Variants in PTGER4 observed in about 807,000 individuals in gnomAD.
The protein encoded by PTGER4 is prostaglandin E receptor 4, also known as prostaglandin E2 receptor EP4 subtype.
PTGER4 carries 11 observed loss-of-function variants against 33.2 expected under a neutral mutation model. The ratio of observed to expected loss-of-function variants is 0.33; its 90% confidence interval spans 0.21 to 0.55. The LOEUF is 0.55. PTGER4 is among the 20% of genes least tolerant of loss of function. PTGER4 has a pLI of 0.92. For synonymous variants in PTGER4, 275 were observed against 281.5 expected, an observed-to-expected ratio of 0.98 and a Z score of 0.23; for missense variants, 481 against 650.2, an observed-to-expected ratio of 0.74 and a Z score of 2.83.
chr5:40,717,742 T>C, the PTGER4 span, among the ~76,000 whole-genome samples: 1 of 152,204 alleles, frequency 6.6e-6, no homozygotes. Context: ...GGATAGAAGA[T>C]TCTCATGCAA....
rs1741179100 is a variant in PTGER4 at position 40,681,255 on chromosome 5, G to A, written c.262G>A (p.Gly88Ser). ...GTACATGAAGGGCCAATGGCCCGGG[G>A]GCCAGCCGCTGTGCGAGTACAGCAC... ...ATYMKGQWPG[G>S]QPLCEYSTFI... is the part of the protein sequence containing the mutation. The change falls in exon 2 of 3, where the codon GGC becomes AGC. Residue 88 changes from glycine to serine, a missense_variant. Gly to Ser is a moderately conservative substitution (Grantham distance 56). Around this residue, in one of 7 missense-constraint regions of PTGER4, gnomAD observed 61 missense variants for 145.2 expected, o/e 0.42. Coordinates refer to ENST00000302472, the MANE Select transcript of PTGER4 (RefSeq NM_000958.3). The surrounding 1 kb of genome is among the most constrained non-coding windows in gnomAD (Gnocchi z 9.8). 1.2e-6 allele frequency: 2 copies of A among 1,614,030 alleles called. No individual in the cohort carries two copies.
chr5:40,746,768 C>A, the PTGER4 span: 1 of 1,535,996 alleles, frequency 6.5e-7, no homozygotes. Flanking sequence ...GTAAGCTCTT[C>A]TCCATAAAAA....
At chr5:40,696,807 T>C (rs1229952807), downstream of PTGER4, 8 of 763,300 alleles carry the variant, frequency 1.0e-5, no homozygotes, top group East Asian at 7.7e-4. Flanking sequence ...CAGGATTTAA[T>C]ACAAAGGAGG....
At chr5:40,724,056 CA>C in the PTGER4 span, among the ~76,000 whole-genome samples, 1 of 152,110 alleles carries the variant, frequency 6.6e-6, no homozygotes, top group Non-Finnish European at 1.5e-5. Flanking sequence ...ATCAAGATCT[CA>C]AAGAGATATT....
At chr5:40,745,748 T>C in the PTGER4 span, among the ~76,000 whole-genome samples, 173 of 151,484 alleles carry the variant, frequency 1.1e-3, no homozygotes, top group African/African-American at 4.0e-3. Context: ...TATTTGTTTA[T>C]TTATTTGACA....
At chr5:40,732,029 T>C in the PTGER4 span, among the ~76,000 whole-genome samples, 3 of 152,370 alleles carry the variant, frequency 2.0e-5, no homozygotes, top group Middle Eastern at 3.4e-3. Context: ...TTTGCTTTTT[T>C]AAAAATTATT....
At chr5:40,729,729 C>T in the PTGER4 span, among the ~76,000 whole-genome samples, 2 of 152,064 alleles carry the variant, frequency 1.3e-5, no homozygotes, top group African/African-American at 2.4e-5. Flanking sequence ...GATGGAGTCT[C>T]GCTGTGTCAC....
At chr5:40,701,038 T>C in the PTGER4 span, among the ~76,000 whole-genome samples, 6 of 145,416 alleles carry the variant, frequency 4.1e-5, no homozygotes, top group East Asian at 1.3e-3. Context: ...CTATTGACTG[T>C]ACTCAATCTA....
the PTGER4 span, chr5:40,716,191 T>C: frequency 1.1e-5 from 17 of 1,614,004 alleles, no homozygotes; most frequent in East Asian, 2.0e-4. Context: ...TGTAGCACCA[T>C]CCTCCTTTTC....
At chr5:40,704,529 G>A in the PTGER4 span, among the ~76,000 whole-genome samples, 6 of 152,166 alleles carry the variant, frequency 3.9e-5, no homozygotes, top group African/African-American at 1.4e-4. Flanking sequence ...CAAATAGGAA[G>A]AGAGGAAATC....
downstream of PTGER4, among the ~76,000 whole-genome samples, chr5:40,695,222 C>A (rs1415801617): frequency 6.6e-6 from 1 of 151,968 alleles, no homozygotes; most frequent in East Asian, 1.9e-4. Flanking sequence ...CCAGGATGGC[C>A]AACATGGTGA....
chr5:40,732,398 A>C, the PTGER4 span, among the ~76,000 whole-genome samples: 2 of 151,836 alleles, frequency 1.3e-5, no homozygotes, highest in Non-Finnish European at 2.9e-5. Flanking sequence ...CAAGTCCTGC[A>C]AAAGACAGGA....
chr5:40,722,758 G>A, the PTGER4 span, among the ~76,000 whole-genome samples: 20 of 150,898 alleles, frequency 1.3e-4, no homozygotes, highest in South Asian at 2.7e-3. Flanking sequence ...CCGGCCAGAC[G>A]CCCCGTCCCG....
chr5:40,716,481 T>C, the PTGER4 span: 1 of 1,588,696 alleles, frequency 6.3e-7, no homozygotes, highest in Non-Finnish European at 8.5e-7. Context: ...GAAGGGCTAC[T>C]TGAAAACTTC....
the PTGER4 span, among the ~76,000 whole-genome samples, chr5:40,706,409 T>C: frequency 6.6e-6 from 1 of 152,176 alleles, no homozygotes; most frequent in East Asian, 1.9e-4. Flanking sequence ...TGTAATAATA[T>C]ATACAACAAA....
intron 2 of PTGER4, among the ~76,000 whole-genome samples, chr5:40,685,990 C>T (rs1233282136): frequency 6.6e-6 from 1 of 152,058 alleles, no homozygotes; most frequent in Non-Finnish European, 1.5e-5. Context: ...ACCTATAAAG[C>T]CTGTAGAGAT....
rs1157255131 is a variant in PTGER4 at position 40,683,678 on chromosome 5, C to T, written c.867+1818C>T. Among the ~76,000 whole-genome samples, 4 of 152,284 alleles carry T rather than the reference C, an allele frequency of 2.6e-5. No individual in the cohort carries two copies. The East Asian group carries it at 5.8e-4, about 22-fold the overall frequency. ...AAAGCTATGGATTTCTGCACAGCCA[C>T]GGATGAATTATTTTCTTCCAACATC... On this transcript the variant is annotated intron_variant, in intron 2 of 2. Transcript: ENST00000302472. This position sits in a 1 kb window ranked among gnomAD's most constrained non-coding sequence, Gnocchi z 4.2.
At chr5:40,682,944 A>G (rs1252715030) in intron 2 of PTGER4, among the ~76,000 whole-genome samples, 1 of 152,248 alleles carries the variant, frequency 6.6e-6, no homozygotes, top group African/African-American at 2.4e-5. Flanking sequence ...ATAAACAGAA[A>G]GGCTCAAACC....
At chr5:40,705,604 A>G in the PTGER4 span, among the ~76,000 whole-genome samples, 2 of 152,240 alleles carry the variant, frequency 1.3e-5, no homozygotes, top group South Asian at 2.1e-4. Flanking sequence ...TCCAGCATCT[A>G]TAAGGAACTT....
Sources: allele counts gnomAD v4.1 joint callset (sites outside exome capture counted in the v4.1 genomes callset), GRCh38; gene constraint gnomAD v4.1.1; regional missense constraint gnomAD v4.1.1; non-coding constraint Gnocchi (gnomAD v3.1); transcripts MANE v1.5; gene names NCBI Gene and HGNC (gene_info 2026-07-23, HGNC 2026-07-21).